Variants in PLXDC2 observed in about 807,000 individuals in gnomAD.
PLXDC2 encodes the protein plexin domain containing 2.
PLXDC2 carries 40 observed loss-of-function variants against 68.9 expected under a neutral mutation model. The observed-to-expected ratio is 0.58, with a 90% CI of 0.45 to 0.76. The LOEUF (loss-of-function observed/expected upper bound fraction) is 0.76. PLXDC2 is among the 30% of genes least tolerant of loss of function. PLXDC2 has a pLI of 0.00. For missense variants in PLXDC2, 644 were observed against 661.9 expected (o/e 0.97, Z 0.30); for synonymous variants, 243 against 234.2 (o/e 1.04, Z -0.34).
chr10:20,004,871 A>G (rs1414219407), intron 2 of PLXDC2, among the ~76,000 whole-genome samples: 1 of 152,192 alleles, frequency 6.6e-6, no homozygotes, highest in Non-Finnish European at 1.5e-5. Flanking sequence ...GGTTTGAATC[A>G]GTAAAAAGAG....
chr10:20,222,065 G>A (rs1021751622), intron 12 of PLXDC2, among the ~76,000 whole-genome samples: 1 of 152,098 alleles, frequency 6.6e-6, no homozygotes, highest in African/African-American at 2.4e-5. Flanking sequence ...ACTTTTTGGT[G>A]ACTAATTGGC....
Position 20,044,205 on chromosome 10 carries a change from CTCTCTGTCTTTCTTTCTTTCTT to C in PLXDC2, c.325-2660_325-2639del, listed in dbSNP as rs1306700473. 2.8e-4 allele frequency among the ~76,000 whole-genome samples: 29 copies of C among 105,064 alleles called. 1 individual carries two copies. Among genetic ancestry groups the C allele is most frequent in the South Asian group, 2.2e-3 (6 of 2,752 alleles). The allele number at this position is 105,064 out of a possible 152,430, so 68.9% of individuals were successfully genotyped here. A position where few individuals can be genotyped will look rare whatever the true frequency, so the allele number is the denominator to read the frequency against. On this transcript the variant is annotated intron_variant, in intron 2 of 13. Coordinates refer to ENST00000377252, the MANE Select transcript of PLXDC2 (RefSeq NM_032812.9). ...TCTTTCTTTCTTTCTCTCTCTCTCTCTCTCTGTCTTTCTTTCTTTCTTTCTTTCTTTCTTTCTTTCTTTCTTT... is the reference window on the plus strand; with the variant it reads ...TCTTTCTTTCTTTCTCTCTCTCTCTCTCTTTCTTTCTTTCTTTCTTTCTTT...
chr10:20,154,159 A>G (rs1336543494), intron 6 of PLXDC2, among the ~76,000 whole-genome samples: 1 of 152,196 alleles, frequency 6.6e-6, no homozygotes, highest in Non-Finnish European at 1.5e-5. Flanking sequence ...GCTTCTTCGT[A>G]TTAAGTTGCC....
At chr10:19,887,146 G>T (rs1388880256) in intron 1 of PLXDC2, among the ~76,000 whole-genome samples, 1 of 152,134 alleles carries the variant, frequency 6.6e-6, no homozygotes, top group Admixed American at 6.6e-5. Context: ...GTCTTTTGTA[G>T]TTGCCAATAA....
rs183287132 is a variant in PLXDC2, at chr10:20,127,910, C to T, written c.542-15385C>T. On this transcript the variant is annotated intron_variant, in intron 4 of 13. Coordinates refer to ENST00000377252, the MANE Select transcript of PLXDC2 (RefSeq NM_032812.9). ...GGTTGAAGTGAAAGGCAGAATAATG[C>T]ATGAGCTTCCCTCTCTAGAGCAGAA... 6.4e-4 allele frequency among the ~76,000 whole-genome samples: 97 copies of T among 152,286 alleles called. 2 individuals carry two copies. In the East Asian group the frequency reaches 0.012, roughly 19 times the overall value.
chr10:19,928,260 T>C (rs1250274894), intron 1 of PLXDC2, among the ~76,000 whole-genome samples: 2 of 152,238 alleles, frequency 1.3e-5, no homozygotes, highest in Non-Finnish European at 2.9e-5. Flanking sequence ...AACATACATG[T>C]GCCAGTGTCT....
At chr10:19,904,868 C>A (rs11592239) in intron 1 of PLXDC2, among the ~76,000 whole-genome samples, 21,232 of 152,104 alleles carry the variant, frequency 0.14, 1,545 homozygotes, top group African/African-American at 0.18. Flanking sequence ...ATTTGAGATG[C>A]CATCTTTGAA....
At chr10:20,150,160 G>T (rs1337927842) in intron 6 of PLXDC2, among the ~76,000 whole-genome samples, 1 of 152,098 alleles carries the variant, frequency 6.6e-6, no homozygotes, top group Admixed American at 6.5e-5. Context: ...CTTTCTAAGG[G>T]TTTTAAGGAT....
At chr10:19,999,347 G>T in intron 1 of PLXDC2, among the ~76,000 whole-genome samples, 1 of 150,228 alleles carries the variant, frequency 6.7e-6, no homozygotes, top group South Asian at 2.1e-4. Flanking sequence ...ATTCTGTTTT[G>T]AAGATTTTAA....
At chr10:20,236,154 A>T (rs1835429320) in intron 12 of PLXDC2, among the ~76,000 whole-genome samples, 1 of 152,088 alleles carries the variant, frequency 6.6e-6, no homozygotes, top group South Asian at 2.1e-4. Context: ...TTCAAAAATA[A>T]TTTCTGGCTG....
At position 20,119,043 on chromosome 10, in the gene PLXDC2, G is replaced by A. The variant is rs544362529; in HGVS notation, c.542-24252G>A. 5.9e-5 allele frequency among the ~76,000 whole-genome samples: 9 copies of A among 151,994 alleles called. No individual in the cohort carries two copies. In the East Asian group the frequency reaches 1.8e-3, roughly 30 times the overall value. The stretch of plus-strand genomic sequence containing the variant: ...ATCTGCTGGGAGAGGTGATTTAGGA[G>A]TATGTGTCAATAATAAATATACTCA... On this transcript the variant is annotated intron_variant, in intron 4 of 13. Transcript: ENST00000377252.
chr10:20,014,770 G>A (rs935288130), intron 2 of PLXDC2, among the ~76,000 whole-genome samples: 1 of 152,072 alleles, frequency 6.6e-6, no homozygotes. Flanking sequence ...CTTTGTCCAT[G>A]TATATCTCTT....
intron 1 of PLXDC2, among the ~76,000 whole-genome samples, chr10:19,972,794 A>G (rs1172306522): frequency 1.3e-5 from 2 of 152,226 alleles, no homozygotes; most frequent in Non-Finnish European, 2.9e-5. Context: ...ATAAGAAGGA[A>G]GTGGTACTTA....
intron 4 of PLXDC2, among the ~76,000 whole-genome samples, chr10:20,128,232 A>G (rs1031557760): frequency 1.3e-5 from 2 of 152,104 alleles, no homozygotes; most frequent in Non-Finnish European, 2.9e-5. Context: ...GCAGCATGTG[A>G]CTCCAGCATT....
intron 3 of PLXDC2, among the ~76,000 whole-genome samples, chr10:20,063,579 C>G (rs574569718): frequency 7.0e-6 from 1 of 142,168 alleles, no homozygotes; most frequent in Admixed American, 7.2e-5. Flanking sequence ...GATTATAATT[C>G]CTGTGTTATT....
chr10:19,818,856 C>T (rs1034110749), intron 1 of PLXDC2, among the ~76,000 whole-genome samples: 1 of 151,888 alleles, frequency 6.6e-6, no homozygotes, highest in African/African-American at 2.4e-5. Context: ...CCACCACAAA[C>T]GAGGTTAAAA....
intron 1 of PLXDC2, among the ~76,000 whole-genome samples, chr10:19,951,946 G>C (rs1833998801): frequency 6.6e-6 from 1 of 152,008 alleles, no homozygotes; most frequent in South Asian, 2.1e-4. Flanking sequence ...GCTAAATATT[G>C]GGTACTCACG....
Position 20,012,303 on chromosome 10 carries a change from C to CTTTTTTTTTTT in PLXDC2, c.324+10323_324+10324insTTTTTTTTTTT. Reference sequence around the variant, plus strand: ...GATAAGAGTCTCTCTCTCTCTCTCTCTTTTTTATTTTTTTTTTTTTTTTTT... The same window carrying CTTTTTTTTTTT: ...GATAAGAGTCTCTCTCTCTCTCTCTCTTTTTTTTTTTTTTTTTATTTTTTTTTTTTTTTTTT... On this transcript the variant is annotated intron_variant, in intron 2 of 13. Transcript: ENST00000377252. Among the ~76,000 whole-genome samples the CTTTTTTTTTTT allele has an allele frequency of 2.1e-4, 14 of 65,598 alleles. 5 individuals carry two copies. Among genetic ancestry groups the CTTTTTTTTTTT allele is most frequent in the African/African-American group, 6.1e-4 (8 of 13,166 alleles). The allele number at this position is 65,598 out of a possible 152,430, so 43.0% of individuals were successfully genotyped here. A position where few individuals can be genotyped will look rare whatever the true frequency, so the allele number is the denominator to read the frequency against.
chr10:19,985,019 A>T (rs1309406703), intron 1 of PLXDC2, among the ~76,000 whole-genome samples: 1 of 152,158 alleles, frequency 6.6e-6, no homozygotes, highest in East Asian at 1.9e-4. Context: ...CTGAAATGTT[A>T]TTTGTTCATT....
Sources: allele counts gnomAD v4.1 joint callset (sites outside exome capture counted in the v4.1 genomes callset), GRCh38; gene constraint gnomAD v4.1.1; transcripts MANE v1.5; gene names NCBI Gene and HGNC (gene_info 2026-07-23, HGNC 2026-07-21).